DPP10: variants seen among roughly 807,000 people sequenced by gnomAD.
DPP10 encodes inactive dipeptidyl peptidase 10.
In DPP10, 33 loss-of-function variants were observed where a neutral mutation model predicts 120.9. That is an observed-to-expected ratio of 0.27 (90% confidence interval 0.21 to 0.37). The LOEUF is 0.37. DPP10 is among the 10% of genes least tolerant of loss of function. The pLI, the probability that DPP10 is intolerant of heterozygous loss-of-function variation, is 1.00. For missense variants in DPP10, 816 were observed against 942.8 expected, an observed-to-expected ratio of 0.87 and a Z score of 1.76; for synonymous variants, 337 against 326.1, an observed-to-expected ratio of 1.03 and a Z score of -0.36.
intron 1 of DPP10, among the ~76,000 whole-genome samples, chr2:114,759,926 A>G (rs958463947): frequency 3.3e-5 from 5 of 152,088 alleles, no homozygotes; most frequent in Admixed American, 6.6e-5. Context: ...AAATAAACAG[A>G]ATTTGGAATC....
intron 1 of DPP10, among the ~76,000 whole-genome samples, chr2:115,208,807 A>C (rs2056325208): frequency 6.6e-6 from 1 of 152,162 alleles, no homozygotes. Flanking sequence ...AAACTTGATT[A>C]AGAGCAGTGC....
At chr2:114,912,155 T>G (rs987302051) in intron 1 of DPP10, among the ~76,000 whole-genome samples, 11 of 151,930 alleles carry the variant, frequency 7.2e-5, no homozygotes, top group African/African-American at 2.4e-4. Flanking sequence ...CACACACACA[T>G]GCATATACAT....
chr2:115,746,198 T>G lies in DPP10; in HGVS notation c.950+15T>G, dbSNP rs1396158552. 5 of 1,594,406 alleles carry G rather than the reference T, an allele frequency of 3.1e-6. No individual in the cohort carries two copies. The highest frequency in any genetic ancestry group is 4.3e-6 in the Non-Finnish European group (5 of 1,164,764). On this transcript the variant is annotated intron_variant, in intron 10 of 25. Transcript: ENST00000410059. Reference sequence around the variant, plus strand: ...TTTAAATCAAGGTATGCAATTTCAATTTCACTTTTATGGGGAAATAGATAT... The same window carrying G: ...TTTAAATCAAGGTATGCAATTTCAAGTTCACTTTTATGGGGAAATAGATAT...
At chr2:114,880,127 T>C (rs1206285049) in intron 1 of DPP10, among the ~76,000 whole-genome samples, 1 of 152,196 alleles carries the variant, frequency 6.6e-6, no homozygotes, top group Non-Finnish European at 1.5e-5. Context: ...ATTGAGGCTG[T>C]GAAATTTGAT....
intron 7 of DPP10, among the ~76,000 whole-genome samples, chr2:115,707,973 A>G (rs1441285817): frequency 6.6e-6 from 1 of 151,974 alleles, no homozygotes; most frequent in Admixed American, 6.6e-5. Context: ...CAAAGTAAAG[A>G]AAAAGGTGGC....
chr2:115,369,762 T>A (rs910268685), intron 3 of DPP10, among the ~76,000 whole-genome samples: 1 of 152,110 alleles, frequency 6.6e-6, no homozygotes, highest in Non-Finnish European at 1.5e-5. Flanking sequence ...AACAATAGTC[T>A]TCACAGTACA....
chr2:114,821,512 C>CACAAA (rs1686085947), intron 1 of DPP10, among the ~76,000 whole-genome samples: 1 of 152,010 alleles, frequency 6.6e-6, no homozygotes, highest in African/African-American at 2.4e-5. Flanking sequence ...TAACTCCTAC[C>CACAAA]ACAAAAACAC....
At chr2:115,753,093 A>G (rs1299486060) in intron 10 of DPP10, 81 bp from the exon 11 acceptor site, 8 of 1,344,058 alleles carry the variant, frequency 6.0e-6, no homozygotes, top group South Asian at 1.7e-5. Context: ...ATTCTTATAT[A>G]TAAAATGGCA....
At chr2:114,572,923 C>T (rs902834354) in intron 1 of DPP10, among the ~76,000 whole-genome samples, 1 of 152,142 alleles carries the variant, frequency 6.6e-6, no homozygotes, top group African/African-American at 2.4e-5. Context: ...AAAACACAGG[C>T]GTGGAACCTA....
At chr2:115,208,117 C>T (rs752073029) in intron 1 of DPP10, among the ~76,000 whole-genome samples, 5 of 151,804 alleles carry the variant, frequency 3.3e-5, no homozygotes, top group Non-Finnish European at 5.9e-5. Flanking sequence ...TTGATAAAAG[C>T]TTTAAAGCTA....
intron 1 of DPP10, among the ~76,000 whole-genome samples, chr2:114,590,248 G>A (rs1335735079): frequency 6.6e-6 from 1 of 151,910 alleles, no homozygotes; most frequent in African/African-American, 2.4e-5. Flanking sequence ...TATATCTGTA[G>A]CCAACTGATG....
rs753963287 is a variant in DPP10, at chr2:115,496,130, A to C, written c.272-3380A>C. ...ACTGGGGATTCCACTAGTGATTATA[A>C]ATCAAACTGTAAAGTAGGATAAATA... is the stretch of plus-strand genomic sequence containing the variant. On this transcript the variant is annotated intron_variant, in intron 3 of 25. Transcript: ENST00000410059. 2.2e-4 allele frequency among the ~76,000 whole-genome samples: 33 copies of C among 152,132 alleles called. 1 individual carries two copies. The highest frequency in any genetic ancestry group is 3.8e-4 in the Non-Finnish European group (26 of 68,014).
At chr2:114,919,478 C>A (rs1467270039) in intron 1 of DPP10, among the ~76,000 whole-genome samples, 2 of 152,158 alleles carry the variant, frequency 1.3e-5, no homozygotes, top group Non-Finnish European at 2.9e-5. Flanking sequence ...CAGTGAATAT[C>A]TTAATCAACT....
chr2:114,927,432 A>G (rs75791750), intron 1 of DPP10, among the ~76,000 whole-genome samples: 1,946 of 152,262 alleles, frequency 0.013, 52 homozygotes, highest in African/African-American at 0.043. Context: ...AATATATGTA[A>G]GAAGTACATT....
chr2:115,179,987 T>C (rs1184612537), intron 1 of DPP10, among the ~76,000 whole-genome samples: 1 of 152,116 alleles, frequency 6.6e-6, no homozygotes, highest in Non-Finnish European at 1.5e-5. Flanking sequence ...ATAACCTCTT[T>C]TCTCTGAAAA....
At chr2:115,351,478 C>A (rs1449911109) in intron 3 of DPP10, among the ~76,000 whole-genome samples, 1 of 151,978 alleles carries the variant, frequency 6.6e-6, no homozygotes, top group Admixed American at 6.6e-5. Flanking sequence ...GTATCATACA[C>A]TATACCTTGT....
At chr2:114,664,918 G>T (rs113314171) in intron 1 of DPP10, among the ~76,000 whole-genome samples, 1 of 118,188 alleles carries the variant, frequency 8.5e-6, no homozygotes, top group Non-Finnish European at 1.6e-5. Flanking sequence ...AAAGATGGCA[G>T]AGAGCATCCA....
At chr2:115,090,785 G>C (rs1709182531) in intron 1 of DPP10, among the ~76,000 whole-genome samples, 1 of 151,980 alleles carries the variant, frequency 6.6e-6, no homozygotes, top group African/African-American at 2.4e-5. Flanking sequence ...TTTATGGTGG[G>C]GTTGGAATGT....
intron 1 of DPP10, among the ~76,000 whole-genome samples, chr2:115,004,586 C>G (rs1259517472): frequency 6.6e-6 from 1 of 152,166 alleles, no homozygotes; most frequent in Non-Finnish European, 1.5e-5. Context: ...GTTCCCTTTC[C>G]TAATCAAAGA....
Sources: gnomAD v4.1 joint callset for allele counts (sites outside exome capture counted in the v4.1 genomes callset) on GRCh38, gnomAD v4.1.1 for gene constraint, MANE v1.5 for transcripts, NCBI Gene and HGNC (gene_info 2026-07-23, HGNC 2026-07-21) for gene names.